Variants in PIGL observed in about 807,000 individuals in gnomAD.
PIGL encodes N-acetylglucosaminyl-phosphatidylinositol de-N-acetylase.
A neutral mutation model predicts 31.1 loss-of-function variants in PIGL; 22 were observed. The ratio of observed to expected loss-of-function variants is 0.71; its 90% CI spans 0.51 to 1.01. The LOEUF (loss-of-function observed/expected upper bound fraction) is 1.01. Ranked by LOEUF, PIGL falls within the 50% of genes least tolerant of loss-of-function variation. PIGL has a pLI of 0.00. For missense variants in PIGL, 302 were observed against 315.9 expected, an observed-to-expected ratio of 0.96 and a Z score of 0.33; for synonymous variants, 131 against 117.4, an observed-to-expected ratio of 1.12 and a Z score of -0.75.
chr17:16,227,202 G>A (rs965024917), intron 1 of PIGL, among the ~76,000 whole-genome samples: 4 of 151,054 alleles, frequency 2.6e-5, no homozygotes, highest in African/African-American at 4.9e-5. Context: ...TCCACCTCTC[G>A]GGTTCAAGTG....
intron 2 of PIGL, among the ~76,000 whole-genome samples, chr17:16,295,960 T>G (rs1270400998): frequency 6.6e-6 from 1 of 151,720 alleles, no homozygotes; most frequent in Admixed American, 6.6e-5. Flanking sequence ...ATAAATAAAA[T>G]AAAATATTCA....
chr17:16,323,854 T>G (rs1012199234), intron 6 of PIGL, among the ~76,000 whole-genome samples: 2 of 151,848 alleles, frequency 1.3e-5, no homozygotes, highest in African/African-American at 4.8e-5. Context: ...CCTGACCTGG[T>G]GATCTGCACA....
intron 3 of PIGL, among the ~76,000 whole-genome samples, chr17:16,304,988 C>A (rs572428846): frequency 6.6e-6 from 1 of 152,038 alleles, no homozygotes; most frequent in Non-Finnish European, 1.5e-5. Context: ...TCAGTTGTCA[C>A]AATCAAAACG....
chr17:16,260,538 A>G (rs1390106752), intron 2 of PIGL, among the ~76,000 whole-genome samples: 1 of 152,140 alleles, frequency 6.6e-6, no homozygotes, highest in African/African-American at 2.4e-5. Flanking sequence ...TTGCCTGCGA[A>G]TAGGAGCTAC....
chr17:16,294,053 G>A (rs2092971400), intron 2 of PIGL, among the ~76,000 whole-genome samples: 1 of 152,148 alleles, frequency 6.6e-6, no homozygotes, highest in Non-Finnish European at 1.5e-5. Context: ...TTGGAGAAAG[G>A]CTCACAGGAA....
intron 2 of PIGL, among the ~76,000 whole-genome samples, chr17:16,250,651 T>C (rs1428452353): frequency 6.6e-6 from 1 of 152,216 alleles, no homozygotes; most frequent in Admixed American, 6.5e-5. Flanking sequence ...AGAAGTTTTA[T>C]AGAGGACCTG....
intron 1 of PIGL, chr17:16,217,687 A>G (rs1424530811): frequency 3.7e-6 from 2 of 546,668 alleles, no homozygotes; most frequent in Non-Finnish European, 6.5e-6. Context: ...ATTGAGGAGC[A>G]GAGAAACAGT....
chr17:16,252,082 T>C (rs892104385), intron 2 of PIGL, among the ~76,000 whole-genome samples: 1 of 150,886 alleles, frequency 6.6e-6, no homozygotes, highest in African/African-American at 2.4e-5. Flanking sequence ...TTTTTTTTCT[T>C]TTTTTTTGTT....
At chr17:16,229,897 C>T (rs1251842906) in intron 1 of PIGL, among the ~76,000 whole-genome samples, 1 of 122,986 alleles carries the variant, frequency 8.1e-6, no homozygotes, top group African/African-American at 3.1e-5. Context: ...GAGTCTCGCT[C>T]TGTCACCAGG....
At chr17:16,321,271 G>A (rs866397739) in intron 6 of PIGL, among the ~76,000 whole-genome samples, 5 of 119,618 alleles carry the variant, frequency 4.2e-5, no homozygotes, top group South Asian at 5.1e-4. Flanking sequence ...ATGTAGTTTC[G>A]CTCTTGTTGC....
chr17:16,217,645 G>C, intron 1 of PIGL, 184 bp downstream of exon 1: 2 of 520,938 alleles, frequency 3.8e-6, no homozygotes, highest in South Asian at 3.1e-5. Context: ...TGGGTTGGGG[G>C]ACGTCGGCAG....
chr17:16,225,971 A>G (rs1209334853), intron 1 of PIGL, among the ~76,000 whole-genome samples: 2 of 151,546 alleles, frequency 1.3e-5, no homozygotes, highest in Non-Finnish European at 2.9e-5. Flanking sequence ...ACTTAACCCA[A>G]GAGTTCAGCC....
chr17:16,312,928 A>AGGGGGGGGGGGGGGGGGGGGGG (rs869065594), intron 3 of PIGL: 2 of 25,342 alleles, frequency 7.9e-5, no homozygotes, highest in African/African-American at 2.7e-4. Context: ...GGGAGGGGGA[A>AGGGGGGGGGGGGGGGGGGGGGG]GGGGGGGGGA....
intron 1 of PIGL, among the ~76,000 whole-genome samples, chr17:16,233,583 G>A (rs562129490): frequency 6.6e-6 from 1 of 152,186 alleles, no homozygotes; most frequent in East Asian, 1.9e-4. Context: ...ATGTTAAACA[G>A]GATTTGAGGA....
chr17:16,236,148 G>A (rs2092698995), intron 2 of PIGL, among the ~76,000 whole-genome samples: 1 of 152,140 alleles, frequency 6.6e-6, no homozygotes, highest in African/African-American at 2.4e-5. Context: ...CAGGATAGGT[G>A]CTTAATTTTT....
intron 2 of PIGL, among the ~76,000 whole-genome samples, chr17:16,298,493 G>T (rs960093250): frequency 6.6e-6 from 1 of 152,192 alleles, no homozygotes; most frequent in Non-Finnish European, 1.5e-5. Flanking sequence ...GAGACAGGAA[G>T]GATTTCAGCA....
At chr17:16,269,008 C>G (rs924415403) in intron 2 of PIGL, among the ~76,000 whole-genome samples, 7 of 152,166 alleles carry the variant, frequency 4.6e-5, no homozygotes, top group Non-Finnish European at 8.8e-5. Context: ...ATGATCTGCC[C>G]GCCTCAGCCT....
At chr17:16,306,522 C>CTTT (rs34479966) in intron 3 of PIGL, among the ~76,000 whole-genome samples, 15 of 113,654 alleles carry the variant, frequency 1.3e-4, no homozygotes, top group South Asian at 3.1e-4. Flanking sequence ...GTTATACGAT[C>CTTT]TTTTTTTTTT....
At chr17:16,246,941 G>A (rs914208508) in intron 2 of PIGL, among the ~76,000 whole-genome samples, 12 of 150,868 alleles carry the variant, frequency 8.0e-5, no homozygotes, top group African/African-American at 1.5e-4. Flanking sequence ...CACCCGCCTC[G>A]GCCTCCCAAA....
Sources: allele counts gnomAD v4.1 joint callset (sites outside exome capture counted in the v4.1 genomes callset), GRCh38; gene constraint gnomAD v4.1.1; transcripts MANE v1.5; gene names NCBI Gene and HGNC (gene_info 2026-07-23, HGNC 2026-07-21).